Variants in DDC observed in about 807,000 individuals in gnomAD.
DDC encodes aromatic-L-amino-acid decarboxylase.
DDC carries 43 observed loss-of-function variants against 60.0 expected under a neutral mutation model. The ratio of observed to expected loss-of-function variants is 0.72; its 90% CI spans 0.56 to 0.92. The LOEUF is 0.92. Ranked by LOEUF, DDC falls within the 40% of genes least tolerant of loss-of-function variation. DDC has a pLI of 0.00. For missense variants in DDC, 573 were observed against 620.2 expected, an observed-to-expected ratio of 0.92 and a Z score of 0.81; for synonymous variants, 232 against 234.6, an observed-to-expected ratio of 0.99 and a Z score of 0.10.
rs73351243 is a variant in DDC at position 50,485,390 on chromosome 7, T to C, written c.945-5527A>G. 7.6e-3 allele frequency among the ~76,000 whole-genome samples: 1,160 copies of C among 152,358 alleles called. 19 individuals are homozygous for C. Among genetic ancestry groups the C allele is most frequent in the African/African-American group, 0.027 (1,120 of 41,584 alleles). ...TCAGAAACTTCAATTATTTTGTCTA[T>C]TTCAGTATTTAAAGAGTACAACCAA... On this transcript the variant is annotated intron_variant, in intron 9 of 14. Coordinates refer to ENST00000444124, the MANE Select transcript of DDC (RefSeq NM_001082971.2).
At chr7:50,475,233 G>A (rs2042615569) in intron 11 of DDC, among the ~76,000 whole-genome samples, 1 of 152,228 alleles carries the variant, frequency 6.6e-6, no homozygotes, top group Admixed American at 6.5e-5. Context: ...AGGATGAAAG[G>A]TCAGGGTGAG....
At chr7:50,523,338 T>G (rs1383250398) in intron 6 of DDC, among the ~76,000 whole-genome samples, 1 of 152,168 alleles carries the variant, frequency 6.6e-6, no homozygotes, top group Non-Finnish European at 1.5e-5. Context: ...TCATTGTAAT[T>G]AAAACTTCTG....
chr7:50,468,193 G>C lies in DDC; in HGVS notation c.1141-878C>G, dbSNP rs79724783. On this transcript the variant is annotated intron_variant, in intron 12 of 14. Coordinates refer to ENST00000444124, the MANE Select transcript of DDC (RefSeq NM_001082971.2). ...ACACGTGTCATACGAGTGGTTCCTCGTCATGCCACCAGAGAGCGCCAAAGA... is the reference window on the plus strand; with the variant it reads ...ACACGTGTCATACGAGTGGTTCCTCCTCATGCCACCAGAGAGCGCCAAAGA... 5.7e-3 allele frequency among the ~76,000 whole-genome samples: 873 copies of C among 152,338 alleles called. 14 individuals are homozygous for C. The highest frequency in any genetic ancestry group is 0.02 in the African/African-American group (846 of 41,582).
intron 4 of DDC, among the ~76,000 whole-genome samples, chr7:50,529,851 A>G (rs1251370238): frequency 6.6e-6 from 1 of 152,172 alleles, no homozygotes; most frequent in East Asian, 1.9e-4. Context: ...GTCCCCAAAA[A>G]TTCATGTGTT....
rs1441256868 is a variant in DDC, at chr7:50,490,380, G to A, written c.944+4970C>T. On this transcript the variant is annotated intron_variant, in intron 9 of 14. Transcript: ENST00000444124. ...GACTGGGACTGAGGCTTTTAAAAAG[G>A]TCTAAATCAGCCGGGCACAGTGGCC... Among the ~76,000 whole-genome samples, 6 of 152,230 alleles carry A rather than the reference G, an allele frequency of 3.9e-5. No individual in the cohort carries two copies. The East Asian group carries it at 1.2e-3, about 29-fold the overall frequency.
intron 9 of DDC, among the ~76,000 whole-genome samples, chr7:50,489,191 G>A (rs978401035): frequency 2.0e-5 from 3 of 152,088 alleles, no homozygotes; most frequent in Admixed American, 6.6e-5. Context: ...ATTTGTAGTA[G>A]AGATAAGGTC....
chr7:50,476,552 T>C (rs1250023617), intron 11 of DDC, 72 bp downstream of exon 11: 1 of 1,316,684 alleles, frequency 7.6e-7, no homozygotes. Context: ...GGGGAGGAGA[T>C]GTGTGACAGC....
chr7:50,537,663 A>G (rs2044464838), intron 4 of DDC, among the ~76,000 whole-genome samples, 197 bp downstream of exon 4: 1 of 152,202 alleles, frequency 6.6e-6, no homozygotes, highest in Non-Finnish European at 1.5e-5. Flanking sequence ...GAAGCGAGTG[A>G]AAGACAGCAC....
chr7:50,547,219 G>GA (rs1338882847), intron 1 of DDC, among the ~76,000 whole-genome samples: 1 of 138,976 alleles, frequency 7.2e-6, no homozygotes, highest in East Asian at 2.1e-4. Context: ...TTTTTTTTTT[G>GA]TTTTTTTTTG....
At chr7:50,482,663 T>A (rs1213969189) in intron 9 of DDC, among the ~76,000 whole-genome samples, 1 of 152,198 alleles carries the variant, frequency 6.6e-6, no homozygotes, top group Non-Finnish European at 1.5e-5. Context: ...TAATATCGAG[T>A]CTTCTTTATG....
intron 3 of DDC, among the ~76,000 whole-genome samples, chr7:50,539,445 T>C (rs11575312): frequency 3.9e-5 from 6 of 152,102 alleles, no homozygotes; most frequent in African/African-American, 1.4e-4. Context: ...TAGGCCCTTT[T>C]CCAGAGACCC....
intron 9 of DDC, among the ~76,000 whole-genome samples, chr7:50,491,330 C>T (rs2153538195): frequency 6.6e-6 from 1 of 151,846 alleles, no homozygotes; most frequent in South Asian, 2.1e-4. Flanking sequence ...TTGTTTGTTT[C>T]TCTCTCTCTT....
intron 9 of DDC, among the ~76,000 whole-genome samples, chr7:50,486,387 A>G (rs2042880556): frequency 6.6e-6 from 1 of 152,262 alleles, no homozygotes; most frequent in Admixed American, 6.5e-5. Context: ...TGGTGGTAAG[A>G]AAATGAGGAA....
chr7:50,503,859 G>A (rs761931066), intron 7 of DDC, 134 bp downstream of exon 7: 23 of 753,512 alleles, frequency 3.1e-5, no homozygotes, highest in Non-Finnish European at 1.7e-5. Flanking sequence ...TTGTGTTATT[G>A]CAAATACGAG....
At chr7:50,557,983 G>C (rs2045239040) in intron 1 of DDC, among the ~76,000 whole-genome samples, 1 of 152,054 alleles carries the variant, frequency 6.6e-6, no homozygotes, top group African/African-American at 2.4e-5. Flanking sequence ...TGCTAATTTT[G>C]AAAGTTTATA....
chr7:50,484,524 T>C (rs1176293760), intron 9 of DDC, among the ~76,000 whole-genome samples: 2 of 152,238 alleles, frequency 1.3e-5, no homozygotes, highest in East Asian at 1.9e-4. Context: ...ATGTTTCTAA[T>C]GGGCCTGTGG....
chr7:50,543,608 G>A, intron 2 of DDC: 1 of 474,128 alleles, frequency 2.1e-6, no homozygotes, highest in Non-Finnish European at 3.9e-6. Context: ...CTCTGGGCAG[G>A]GACTGAGTCT....
intron 14 of DDC, among the ~76,000 whole-genome samples, chr7:50,461,625 A>G (rs2153532603): frequency 6.6e-6 from 1 of 152,360 alleles, no homozygotes; most frequent in Non-Finnish European, 1.5e-5. Flanking sequence ...TATGAGACAG[A>G]TGCAAACGTG....
At chr7:50,542,403 G>C (rs1337894349) in intron 2 of DDC, 1 of 152,164 alleles carries the variant, frequency 6.6e-6, no homozygotes, top group African/African-American at 2.4e-5. Flanking sequence ...AGCGATTCTT[G>C]ATTAGGGACA....
Sources: allele counts gnomAD v4.1 joint callset (sites outside exome capture counted in the v4.1 genomes callset), GRCh38; gene constraint gnomAD v4.1.1; transcripts MANE v1.5; gene names NCBI Gene and HGNC (gene_info 2026-07-23, HGNC 2026-07-21).